Variants in STK39 observed in about 807,000 individuals in gnomAD.
STK39 encodes the protein serine/threonine kinase 39, also known as STE20/SPS1-related proline-alanine-rich protein kinase.
A neutral mutation model predicts 77.8 loss-of-function variants in STK39; 20 were observed. That is an observed-to-expected ratio of 0.26 (90% CI 0.18 to 0.37). STK39 has a LOEUF of 0.37. STK39 is among the 10% of genes least tolerant of loss of function. The pLI, the probability that STK39 is intolerant of heterozygous loss-of-function variation, is 1.00. For missense variants in STK39, 479 were observed against 656.5 expected (o/e 0.73, Z 2.95); for synonymous variants, 246 against 234.1 (o/e 1.05, Z -0.47).
At chr2:167,987,175 C>T (rs1012682108) in intron 16 of STK39, among the ~76,000 whole-genome samples, 2 of 152,154 alleles carry the variant, frequency 1.3e-5, no homozygotes, top group South Asian at 2.1e-4. Context: ...AGACTGGGCA[C>T]GAGCAAAGAC....
Position 168,123,532 on chromosome 2 carries a change from A to T in STK39, c.1089+6009T>A, listed in dbSNP as rs553131427. ...AACACATACGAAAATTCTTGGCACT[A>T]TTTTTCTAACTTTTTTGTAAGTCTG... On this transcript the variant is annotated intron_variant, in intron 10 of 17. Coordinates refer to ENST00000355999, the MANE Select transcript of STK39 (RefSeq NM_013233.3). Among the ~76,000 whole-genome samples, 3 of 152,204 alleles carry T rather than the reference A, an allele frequency of 2.0e-5. No homozygotes were observed. The East Asian group carries it at 5.8e-4, about 29-fold the overall frequency.
At chr2:167,983,743 C>T (rs957771760) in intron 16 of STK39, among the ~76,000 whole-genome samples, 1 of 152,162 alleles carries the variant, frequency 6.6e-6, no homozygotes, top group Admixed American at 6.5e-5. Flanking sequence ...TGGATCACTC[C>T]TATCCTGACA....
At chr2:167,999,082 G>A (rs963578134) in intron 16 of STK39, among the ~76,000 whole-genome samples, 3 of 152,094 alleles carry the variant, frequency 2.0e-5, no homozygotes, top group Admixed American at 6.6e-5. Flanking sequence ...TTGTGATCTG[G>A]CCCCTGCCCC....
At chr2:167,958,403 A>T (rs1478187799) in intron 17 of STK39, among the ~76,000 whole-genome samples, 1 of 152,230 alleles carries the variant, frequency 6.6e-6, no homozygotes, top group East Asian at 1.9e-4. Flanking sequence ...ATATTCCTTT[A>T]CTAATTCATT....
intron 16 of STK39, among the ~76,000 whole-genome samples, chr2:167,984,214 T>A (rs1276054276): frequency 6.6e-6 from 1 of 152,212 alleles, no homozygotes. Context: ...GTAATGCAAA[T>A]CTTGCCTTGC....
At chr2:168,174,916 A>T (rs1299133298) in intron 2 of STK39, among the ~76,000 whole-genome samples, 2 of 151,866 alleles carry the variant, frequency 1.3e-5, no homozygotes, top group Admixed American at 1.3e-4. Flanking sequence ...GTACTGCTGG[A>T]AACCTAGAGG....
intron 13 of STK39, 55 bp from the exon 14 acceptor site, chr2:168,063,625 T>A (rs1685720212): frequency 5.7e-6 from 8 of 1,401,140 alleles, no homozygotes; most frequent in Non-Finnish European, 7.0e-6. Context: ...AAGGAATGAA[T>A]AAAATCACAA....
chr2:168,022,212 A>G (rs960089171), intron 14 of STK39, among the ~76,000 whole-genome samples: 3 of 152,240 alleles, frequency 2.0e-5, no homozygotes, highest in East Asian at 1.9e-4. Flanking sequence ...CAGTGCTTCA[A>G]TAAGTAACCT....
intron 10 of STK39, among the ~76,000 whole-genome samples, chr2:168,088,459 A>C (rs1049825941): frequency 1.2e-4 from 19 of 152,206 alleles, no homozygotes; most frequent in African/African-American, 4.6e-4. Context: ...TTCCATGTGA[A>C]AAAGGAGGCA....
At chr2:168,014,688 A>G (rs1684362406) in intron 15 of STK39, among the ~76,000 whole-genome samples, 1 of 152,202 alleles carries the variant, frequency 6.6e-6, no homozygotes, top group South Asian at 2.1e-4. Context: ...TAAAGAGCCT[A>G]ACACCTAGTA....
intron 5 of STK39, among the ~76,000 whole-genome samples, chr2:168,153,985 CCA>C: frequency 6.6e-6 from 1 of 152,188 alleles, no homozygotes; most frequent in East Asian, 1.9e-4. Context: ...AGAGAACAGA[CCA>C]CAGAGGGGCA....
intron 1 of STK39, among the ~76,000 whole-genome samples, chr2:168,203,586 G>A (rs566783544): frequency 5.9e-5 from 9 of 152,292 alleles, no homozygotes; most frequent in East Asian, 1.9e-4. Flanking sequence ...TGTCACCAGC[G>A]TCAGAGATGA....
Position 168,062,729 on chromosome 2 carries a change from T to TATA in STK39, c.1376+768_1376+770dup, listed in dbSNP as rs151056938. Among the ~76,000 whole-genome samples, 318 of 152,344 alleles carry TATA rather than the reference T, an allele frequency of 2.1e-3. 4 individuals carry two copies. The highest frequency in any genetic ancestry group is 7.4e-3 in the African/African-American group (308 of 41,582). On this transcript the variant is annotated intron_variant, in intron 14 of 17. Coordinates refer to ENST00000355999, the MANE Select transcript of STK39 (RefSeq NM_013233.3). ...TAGCTACAACTCAGAAAATGCCTAG[T>TATA]ATATGCACGTGCTTTATTTGTTTAA...
chr2:168,140,478 G>T, intron 6 of STK39, 88 bp from the exon 7 acceptor site: 1 of 1,280,704 alleles, frequency 7.8e-7, no homozygotes, highest in African/African-American at 1.5e-5. Context: ...ATCCACAGCT[G>T]TTGATGTATA....
At chr2:168,113,923 G>A (rs1302031614) in intron 10 of STK39, among the ~76,000 whole-genome samples, 1 of 152,190 alleles carries the variant, frequency 6.6e-6, no homozygotes, top group Non-Finnish European at 1.5e-5. Flanking sequence ...AAACGTCAGA[G>A]GAAGACGAGC....
At chr2:168,074,151 T>G (rs1230870602) in intron 12 of STK39, among the ~76,000 whole-genome samples, 3 of 152,178 alleles carry the variant, frequency 2.0e-5, no homozygotes, top group African/African-American at 4.8e-5. Context: ...GGCTGGCTAC[T>G]GCCACTTCAA....
intron 5 of STK39, among the ~76,000 whole-genome samples, chr2:168,158,465 A>G (rs984255367): frequency 2.6e-5 from 4 of 152,212 alleles, no homozygotes; most frequent in African/African-American, 7.2e-5. Flanking sequence ...GCAAGGAGGA[A>G]GAAGGTGCTG....
intron 10 of STK39, among the ~76,000 whole-genome samples, chr2:168,101,046 T>G (rs910399278): frequency 6.6e-6 from 1 of 152,204 alleles, no homozygotes; most frequent in Non-Finnish European, 1.5e-5. Context: ...AATGAGTTCA[T>G]GTCCTTTGCA....
intron 1 of STK39, among the ~76,000 whole-genome samples, chr2:168,220,323 A>G (rs979755802): frequency 6.6e-6 from 1 of 152,136 alleles, no homozygotes; most frequent in Admixed American, 6.5e-5. Context: ...TGGTTTATCT[A>G]GTGAGAGTTC....
Sources: gnomAD v4.1 joint callset for allele counts (sites outside exome capture counted in the v4.1 genomes callset) on GRCh38, gnomAD v4.1.1 for gene constraint, MANE v1.5 for transcripts, NCBI Gene and HGNC (gene_info 2026-07-23, HGNC 2026-07-21) for gene names.